The following ICE1 variants were observed in gnomAD, a reference collection of about 807,000 sequenced individuals.
ICE1 encodes interactor of little elongation complex ELL subunit 1.
Under a neutral mutation model 192.7 loss-of-function variants are expected in ICE1, and 64 were observed. The ratio of observed to expected loss-of-function variants is 0.33; its 90% CI spans 0.27 to 0.41. The LOEUF is 0.41. Ranked by LOEUF, ICE1 falls within the 10% of genes least tolerant of loss-of-function variation. The pLI is 1.00. For missense variants in ICE1, 2,708 were observed against 2,696.0 expected, an observed-to-expected ratio of 1.00 and a Z score of -0.10; for synonymous variants, 1,010 against 984.5, an observed-to-expected ratio of 1.03 and a Z score of -0.49.
rs372123360 is a variant in ICE1 at position 5,477,057 on chromosome 5, A to G, written c.6520+978A>G. ...TTATCTCCTATGAATCTTTATTTTT[A>G]TTTTTATTTTTACTTATTTTTTTCC... On this transcript the variant is annotated intron_variant, in intron 17 of 18. Transcript: ENST00000296564. 4.6e-5 allele frequency among the ~76,000 whole-genome samples: 7 copies of G among 151,994 alleles called. No homozygotes were observed. The East Asian group carries it at 1.2e-3, about 25-fold the overall frequency.
In ICE1 at chr5:5,476,018, A is replaced by T; in HGVS notation, c.6459A>T (p.Lys2153Asn). Residue 2153 changes from lysine to asparagine, a missense_variant, in exon 17 of 19, where the codon AAA becomes AAT. This residue lies in a region of ICE1 where 342 missense variants were observed against 419.3 expected (regional missense o/e 0.82). Transcript: ENST00000296564. Reference sequence around the variant, plus strand: ...TGGATAAATGGATAAAATACAGAAAAGGACATGCAAACATTGCGTATACTC... The same window carrying T: ...TGGATAAATGGATAAAATACAGAAATGGACATGCAAACATTGCGTATACTC... ...PVMDKWIKYR[K>N]GHANIAYTPD... The T allele has an allele frequency of 6.2e-7, 1 of 1,612,230 alleles. No homozygotes were observed.
intron 16 of ICE1, among the ~76,000 whole-genome samples, chr5:5,475,213 A>C (rs1739274568): frequency 6.6e-6 from 1 of 152,118 alleles, no homozygotes; most frequent in African/African-American, 2.4e-5. Context: ...ATCAAACATG[A>C]GGATCTCCAC....
At chr5:5,446,642 C>CT (rs1236205334) in intron 7 of ICE1, among the ~76,000 whole-genome samples, 1 of 152,090 alleles carries the variant, frequency 6.6e-6, no homozygotes, top group Non-Finnish European at 1.5e-5. Flanking sequence ...TTAGAACAGA[C>CT]TTTCTGTGAA....
intron 12 of ICE1, among the ~76,000 whole-genome samples, chr5:5,458,987 T>C (rs953515186): frequency 6.6e-6 from 1 of 152,086 alleles, no homozygotes; most frequent in African/African-American, 2.4e-5. Flanking sequence ...ATTCTCCTGC[T>C]TCAGCCTCCT....
chr5:5,448,926 TA>T (rs1172064064), intron 10 of ICE1, among the ~76,000 whole-genome samples: 1 of 152,238 alleles, frequency 6.6e-6, no homozygotes, highest in Non-Finnish European at 1.5e-5. Context: ...AGTGAGACTT[TA>T]AGTAATAGTT....
At chr5:5,427,293 C>G (rs1237548307) in intron 1 of ICE1, among the ~76,000 whole-genome samples, 1 of 152,174 alleles carries the variant, frequency 6.6e-6, no homozygotes, top group Non-Finnish European at 1.5e-5. Context: ...GGTTGCAGAA[C>G]TTTGGCAGTC....
intron 12 of ICE1, among the ~76,000 whole-genome samples, chr5:5,460,044 G>A (rs1050529316): frequency 2.0e-5 from 3 of 152,308 alleles, no homozygotes; most frequent in Non-Finnish European, 4.4e-5. Context: ...AGAGAGAGAG[G>A]AAATAGAGGG....
In ICE1 at chr5:5,460,831, G is replaced by T. The variant is rs1738749845; in HGVS notation, c.1497G>T (p.Lys499Asn). Residue 499 changes from lysine to asparagine, a missense_variant, in exon 13 of 19, where the codon AAG (lysine) becomes AAT (asparagine). Lys to Asn is a moderately conservative substitution (Grantham distance 94). Transcript: ENST00000296564. ...TGGATAAGTCAGTACAAACTGAGAA[G>T]ACCATTCATAAACTCACTCGAGGTC... Reference protein sequence around the residue: ...REMDKSVQTEKTIHKLTRGLC... With the variant: ...REMDKSVQTENTIHKLTRGLC... 5 of 1,613,912 alleles carry T rather than the reference G, an allele frequency of 3.1e-6. No individual in the cohort carries two copies. The South Asian group carries it at 4.4e-5, about 14-fold the overall frequency.
intron 1 of ICE1, among the ~76,000 whole-genome samples, chr5:5,429,426 G>T (rs961518565): frequency 4.6e-5 from 7 of 152,192 alleles, no homozygotes; most frequent in Non-Finnish European, 1.0e-4. Flanking sequence ...GGCCTGCTGG[G>T]TTAATTGTTT....
chr5:5,432,601 C>T (rs532707833), intron 1 of ICE1, among the ~76,000 whole-genome samples: 1 of 152,166 alleles, frequency 6.6e-6, no homozygotes, highest in African/African-American at 2.4e-5. Context: ...CTAGTTTGCT[C>T]AGCAGCTGCC....
intron 1 of ICE1, among the ~76,000 whole-genome samples, chr5:5,431,837 T>A (rs1234812767): frequency 2.0e-5 from 3 of 149,446 alleles, no homozygotes; most frequent in African/African-American, 7.4e-5. Flanking sequence ...AATACCAGTA[T>A]TTTTTTTTTA....
intron 15 of ICE1, among the ~76,000 whole-genome samples, chr5:5,471,552 G>C (rs1180927972): frequency 6.6e-6 from 1 of 152,082 alleles, no homozygotes; most frequent in East Asian, 1.9e-4. Context: ...CACTAAACAG[G>C]AGATTTCAGT....
intron 4 of ICE1, among the ~76,000 whole-genome samples, chr5:5,440,719 G>T (rs1738020018): frequency 6.6e-6 from 1 of 151,848 alleles, no homozygotes; most frequent in African/African-American, 2.4e-5. Context: ...ACTACTTAAT[G>T]GTAAAAACTT....
intron 15 of ICE1, 77 bp from the exon 16 acceptor site, chr5:5,473,481 T>C (rs955780202): frequency 8.1e-7 from 1 of 1,230,232 alleles, no homozygotes; most frequent in African/African-American, 1.5e-5. Flanking sequence ...ATGCTTATTA[T>C]AGTCTTTTAG....
In ICE1 at chr5:5,462,098, A is replaced by G. The variant is rs1223827588; in HGVS notation, c.2764A>G (p.Lys922Glu). ...AAACATCACGGAGGTGGCTGCTGTG[A>G]AAAGCATTTCACCAGAAGTTTCTGC... Reference protein sequence around the residue: ...TQNITEVAAVKSISPEVSASR... With the variant: ...TQNITEVAAVESISPEVSASR... The change falls in exon 13 of 19, where the codon AAA becomes GAA. Residue 922 changes from lysine (K) to glutamate (E), a missense_variant. Physicochemically the swap from Lys to Glu is moderately conservative, Grantham distance 56 (BLOSUM62 1). Coordinates refer to ENST00000296564, the MANE Select transcript of ICE1 (RefSeq NM_015325.3). 1.2e-6 allele frequency: 2 copies of G among 1,613,734 alleles called. No individual in the cohort carries two copies. The highest frequency in any genetic ancestry group is 1.7e-6 in the Non-Finnish European group (2 of 1,179,806).
rs529799446 is a variant in ICE1 at position 5,489,160 on chromosome 5, G to C, written c.6631G>C (p.Gly2211Arg). ...QHAHDEDIPW[G>R]IQLAAVYALC... ...AAATTTCTTTTCAGATATACCATGGGGTATACAGTTAGCAGCCGTGTATGC... is the reference window on the plus strand; with the variant it reads ...AAATTTCTTTTCAGATATACCATGGCGTATACAGTTAGCAGCCGTGTATGC... Residue 2211 changes from glycine to arginine, a missense_variant, in exon 19 of 19, where the codon GGT (glycine) becomes CGT (arginine). By Grantham distance (125) the Gly-to-Arg change is moderately radical (BLOSUM62 -2). This residue lies in a region of ICE1 where 342 missense variants were observed against 419.3 expected (regional missense o/e 0.82). Coordinates refer to ENST00000296564, the MANE Select transcript of ICE1 (RefSeq NM_015325.3). The C allele has an allele frequency of 2.7e-5, 44 of 1,613,680 alleles. No homozygotes were observed. The South Asian group carries it at 4.5e-4, about 17-fold the overall frequency.
At chr5:5,476,587 A>G (rs1265348303) in intron 17 of ICE1, among the ~76,000 whole-genome samples, 1 of 152,222 alleles carries the variant, frequency 6.6e-6, no homozygotes, top group African/African-American at 2.4e-5. Flanking sequence ...TAATGGGGGA[A>G]CAGATACATC....
intron 14 of ICE1, 53 bp downstream of exon 14, chr5:5,466,555 C>A: frequency 7.0e-7 from 1 of 1,425,134 alleles, no homozygotes; most frequent in Non-Finnish European, 9.6e-7. Context: ...TGCCTTTTTC[C>A]CTTATACTGG....
intron 1 of ICE1, among the ~76,000 whole-genome samples, chr5:5,424,857 G>A (rs906374553): frequency 6.6e-6 from 1 of 152,208 alleles, no homozygotes; most frequent in African/African-American, 2.4e-5. Context: ...GGCCAGTGAA[G>A]CTGGAGCGGA....
Sources: allele counts gnomAD v4.1 joint callset (sites outside exome capture counted in the v4.1 genomes callset), GRCh38; gene constraint gnomAD v4.1.1; regional missense constraint gnomAD v4.1.1; transcripts MANE v1.5; gene names NCBI Gene and HGNC (gene_info 2026-07-23, HGNC 2026-07-21).